Variants in PPTC7 observed in about 807,000 individuals in gnomAD.
The protein encoded by PPTC7 is protein phosphatase PTC7 homolog.
PPTC7 carries 6 observed loss-of-function variants against 30.8 expected under a neutral mutation model. The ratio of observed to expected loss-of-function variants is 0.19; its 90% CI spans 0.11 to 0.38. The LOEUF is 0.38. PPTC7 is among the 10% of genes least tolerant of loss of function. The pLI is 1.00. For synonymous variants in PPTC7, 163 were observed against 168.1 expected, an observed-to-expected ratio of 0.97 and a Z score of 0.23; for missense variants, 218 against 404.8, an observed-to-expected ratio of 0.54 and a Z score of 3.96.
intron 1 of PPTC7, among the ~76,000 whole-genome samples, chr12:110,573,473 G>A (rs1238430190): frequency 6.6e-6 from 1 of 152,124 alleles, no homozygotes; most frequent in East Asian, 1.9e-4. Context: ...TTTGCACACT[G>A]TTGCAACTTT....
intron 1 of PPTC7, among the ~76,000 whole-genome samples, chr12:110,577,335 TGA>T (rs201297690): frequency 0.057 from 8,608 of 151,764 alleles, 326 homozygotes; most frequent in South Asian, 0.16. Context: ...GGTAATATAA[TGA>T]GAGTGGTGTC....
In PPTC7 at chr12:110,572,301, G is replaced by A. The variant is rs548953665; in HGVS notation, c.223+10508C>T. 2.2e-4 allele frequency among the ~76,000 whole-genome samples: 33 copies of A among 152,186 alleles called. No individual in the cohort carries two copies. In the Middle Eastern group the frequency reaches 0.017, roughly 78 times the overall value. On this transcript the variant is annotated intron_variant, in intron 1 of 5. Coordinates refer to ENST00000354300, the MANE Select transcript of PPTC7 (RefSeq NM_139283.2). ...TCTACTAAAAATACAAAAATTAGCC[G>A]GGTGTGGTGGCATGTGCCTGTAGTC...
intron 3 of PPTC7, among the ~76,000 whole-genome samples, chr12:110,540,398 T>G (rs1000646299): frequency 3.2e-4 from 44 of 138,174 alleles, no homozygotes; most frequent in African/African-American, 1.1e-3. Context: ...ATAGGCTCAC[T>G]GCAACCTCTG....
At chr12:110,538,607 A>T (rs754188478) in intron 4 of PPTC7, among the ~76,000 whole-genome samples, 4 of 152,200 alleles carry the variant, frequency 2.6e-5, no homozygotes, top group African/African-American at 7.2e-5. Context: ...CTTGCTTAGG[A>T]ACACAGCCTG....
rs576620903 is a variant in PPTC7, at chr12:110,543,069, C to A, written c.602+2811G>T. 2.6e-5 allele frequency among the ~76,000 whole-genome samples: 4 copies of A among 152,250 alleles called. No homozygotes were observed. In the East Asian group the frequency reaches 7.7e-4, roughly 29 times the overall value. ...CCAGGAAAGCAAATCAGATACCGAC[C>A]CGGAAGGGAGGCACCAGATCCAAAG... On this transcript the variant is annotated intron_variant, in intron 3 of 5. Transcript: ENST00000354300.
At chr12:110,558,737 C>T (rs1217186163) in intron 1 of PPTC7, among the ~76,000 whole-genome samples, 3 of 151,956 alleles carry the variant, frequency 2.0e-5, no homozygotes, top group Non-Finnish European at 2.9e-5. Flanking sequence ...GTGATTCTCC[C>T]GCCTCAGCCC....
chr12:110,574,663 C>A (rs968078507), intron 1 of PPTC7, among the ~76,000 whole-genome samples: 1 of 152,148 alleles, frequency 6.6e-6, no homozygotes, highest in African/African-American at 2.4e-5. Flanking sequence ...TAGCCTAATG[C>A]CCTCTGCAAT....
intron 2 of PPTC7, among the ~76,000 whole-genome samples, chr12:110,547,119 G>C (rs898078574): frequency 6.6e-6 from 1 of 151,980 alleles, no homozygotes; most frequent in African/African-American, 2.4e-5. Flanking sequence ...TAATTAGAAG[G>C]GCAAACAAGA....
intron 2 of PPTC7, among the ~76,000 whole-genome samples, chr12:110,547,037 C>T (rs540612290): frequency 1.3e-5 from 2 of 152,226 alleles, no homozygotes; most frequent in South Asian, 2.1e-4. Flanking sequence ...TTTCCTGGAG[C>T]GCAAGATAGC....
In PPTC7 at chr12:110,583,148, G is replaced by T. The variant is rs2135803774; in HGVS notation, c.-117C>A. On this transcript the variant is annotated 5_prime_UTR_variant, in exon 1 of 6. Transcript: ENST00000354300. The stretch of plus-strand genomic sequence containing the variant: ...CCGCCGCTGGGGCGCTCCTCAGGGC[G>T]GCGCGCAGTGGCCGCCGCCGCCCCT... 3.1e-6 allele frequency: 2 copies of T among 637,910 alleles called. No homozygotes were observed. Among genetic ancestry groups the T allele is most frequent in the East Asian group, 4.7e-5 (1 of 21,162 alleles). The allele number at this position is 637,910 out of a possible 1,614,324, so 39.5% of individuals were successfully genotyped here.
intron 2 of PPTC7, among the ~76,000 whole-genome samples, chr12:110,549,064 C>T (rs533185418): frequency 1.3e-5 from 2 of 152,192 alleles, no homozygotes. Flanking sequence ...CCAGGCGAGT[C>T]CCTCATGCTC....
At chr12:110,537,163 A>T in intron 5 of PPTC7, 68 bp from the exon 6 acceptor site, 12 of 1,238,376 alleles carry the variant, frequency 9.7e-6, no homozygotes, top group Non-Finnish European at 1.3e-5. Flanking sequence ...GTGTACTTAA[A>T]TTAAGTACTA....
intron 1 of PPTC7, among the ~76,000 whole-genome samples, chr12:110,556,839 C>A (rs2064392070): frequency 6.6e-6 from 1 of 152,122 alleles, no homozygotes; most frequent in Admixed American, 6.6e-5. Flanking sequence ...AACACTGCTG[C>A]AGGAGGGTCA....
intron 3 of PPTC7, among the ~76,000 whole-genome samples, chr12:110,543,640 C>G (rs969372478): frequency 6.6e-6 from 1 of 152,174 alleles, no homozygotes; most frequent in African/African-American, 2.4e-5. Context: ...GTGTCCTTTG[C>G]TATTCTGTCT....
chr12:110,583,045 C>T lies in PPTC7; in HGVS notation c.-14G>A. On this transcript the variant is annotated 5_prime_UTR_variant, in exon 1 of 6. Transcript: ENST00000354300. ...GACCGAGAACATCGCCGCCGCCGCCCCCCCGAGGAGGCGGGGGGCCGGGGG... is the reference window on the plus strand; with the variant it reads ...GACCGAGAACATCGCCGCCGCCGCCTCCCCGAGGAGGCGGGGGGCCGGGGG... 1 of 1,383,854 alleles carries T rather than the reference C, an allele frequency of 7.2e-7. No homozygotes were observed. Among genetic ancestry groups the T allele is most frequent in the South Asian group, 1.7e-5 (1 of 60,170 alleles). 85.7% of individuals were successfully genotyped at this position (1,383,854 alleles called of 1,614,324 possible). A position where few individuals can be genotyped will look rare whatever the true frequency, so the allele number is the denominator to read the frequency against.
chr12:110,581,042 G>A (rs1044551195), intron 1 of PPTC7, among the ~76,000 whole-genome samples: 1 of 152,074 alleles, frequency 6.6e-6, no homozygotes, highest in Non-Finnish European at 1.5e-5. Context: ...GAGCCACCAC[G>A]CGCAGCCCAG....
At chr12:110,575,607 CAAAA>C (rs55831249) in intron 1 of PPTC7, among the ~76,000 whole-genome samples, 8 of 26,536 alleles carry the variant, frequency 3.0e-4, no homozygotes, top group Middle Eastern at 0.038. Context: ...AACCCCACCT[CAAAA>C]AAAAAAAAAA....
chr12:110,543,397 A>G (rs557784322), intron 3 of PPTC7, among the ~76,000 whole-genome samples: 1 of 152,070 alleles, frequency 6.6e-6, no homozygotes, highest in Non-Finnish European at 1.5e-5. Context: ...TATTCTGTAG[A>G]TAAGAGGGAC....
chr12:110,535,844 A>G lies in PPTC7; in HGVS notation c.*1193T>C, dbSNP rs2064214276. ...TGAATGCGGGGTAGTTTTGTAAGGA[A>G]ACTATACACTGCAAAATGGCTATTT... On this transcript the variant is annotated 3_prime_UTR_variant, in exon 6 of 6. Coordinates refer to ENST00000354300, the MANE Select transcript of PPTC7 (RefSeq NM_139283.2). 6.5e-6 allele frequency: 1 copy of G among 152,678 alleles called. No homozygotes were observed. The highest frequency in any genetic ancestry group is 2.4e-5 in the African/African-American group (1 of 41,460). 9.5% of individuals were successfully genotyped at this position (152,678 alleles called of 1,614,324 possible).
Sources: gnomAD v4.1 joint callset for allele counts (sites outside exome capture counted in the v4.1 genomes callset) on GRCh38, gnomAD v4.1.1 for gene constraint, MANE v1.5 for transcripts, NCBI Gene and HGNC (gene_info 2026-07-23, HGNC 2026-07-21) for gene names.